Variants in CD96 observed in about 807,000 individuals in gnomAD.
The protein encoded by CD96 is T-cell surface protein tactile.
In CD96, 70 loss-of-function variants were observed where a neutral mutation model predicts 71.3. The observed-to-expected ratio is 0.98, with a 90% CI of 0.81 to 1.20. CD96 has a LOEUF of 1.20. Among genes scored for constraint, CD96 ranks in the 50% most tolerant of loss-of-function variants. The probability of loss-of-function intolerance (pLI) is 0.00; values close to 1 mark genes in which losing one functional copy is unlikely to be tolerated. For missense variants in CD96, 742 were observed against 677.5 expected, an observed-to-expected ratio of 1.10 and a Z score of -1.06; for synonymous variants, 248 against 233.0, an observed-to-expected ratio of 1.06 and a Z score of -0.59.
rs137934634 is a variant in CD96, at chr3:111,542,274, C to G, written c.26C>G (p.Ala9Gly). The G allele has an allele frequency of 2.1e-4, 344 of 1,613,560 alleles. No homozygotes were observed. Among genetic ancestry groups the G allele is most frequent in the Non-Finnish European group, 2.8e-4 (327 of 1,179,596 alleles). The change falls in exon 1 of 14, where the codon GCT (alanine) becomes GGT (glycine). Residue 9 changes from alanine (A) to glycine (G), a missense_variant. By Grantham distance (60) the Ala-to-Gly change is moderately conservative. Transcript: ENST00000352690. MEKKWKYC[A>G]VYYIIQIHFV... ...ATGGAGAAAAAATGGAAATACTGTG[C>G]TGTCTATTACATCATCCAGATACAT... is the stretch of plus-strand genomic sequence containing the variant.
At chr3:111,632,109 A>C (rs2107737607) in intron 10 of CD96, among the ~76,000 whole-genome samples, 1 of 152,324 alleles carries the variant, frequency 6.6e-6, no homozygotes, top group East Asian at 1.9e-4. Flanking sequence ...CAAAAACAAA[A>C]ATTGACAAAT....
At chr3:111,577,528 C>T (rs1206354775) in intron 3 of CD96, 1 of 1,606,922 alleles carries the variant, frequency 6.2e-7, no homozygotes, top group Non-Finnish European at 8.5e-7. Context: ...ATTCTTGGGT[C>T]CTTCTTTCTA....
chr3:111,644,422 A>G (rs182884646), intron 12 of CD96, among the ~76,000 whole-genome samples: 46 of 152,292 alleles, frequency 3.0e-4, no homozygotes, highest in African/African-American at 1.0e-3. Context: ...ATGACCAAGA[A>G]CCCAAAAAGA....
intron 3 of CD96, among the ~76,000 whole-genome samples, chr3:111,577,272 A>G (rs1936260126): frequency 6.6e-6 from 1 of 152,156 alleles, no homozygotes; most frequent in South Asian, 2.1e-4. Flanking sequence ...AGCATTTTCA[A>G]CTCTAAAATC....
At chr3:111,568,414 A>G (rs1056177108) in intron 3 of CD96, among the ~76,000 whole-genome samples, 28 of 152,236 alleles carry the variant, frequency 1.8e-4, no homozygotes, top group African/African-American at 6.0e-4. Flanking sequence ...AATTTAAAAA[A>G]TTTCACTGAG....
intron 3 of CD96, chr3:111,577,408 T>C: frequency 1.1e-6 from 1 of 871,242 alleles, no homozygotes; most frequent in Non-Finnish European, 2.0e-6. Context: ...TCCACTTTCT[T>C]CTCCTGTCCC....
chr3:111,587,332 T>A (rs1936760947), intron 5 of CD96, among the ~76,000 whole-genome samples: 1 of 151,858 alleles, frequency 6.6e-6, no homozygotes, highest in African/African-American at 2.4e-5. Context: ...TGTTGGTGGA[T>A]CTACCATTCT....
At chr3:111,554,263 A>G (rs988289940) in intron 2 of CD96, among the ~76,000 whole-genome samples, 9 of 151,984 alleles carry the variant, frequency 5.9e-5, no homozygotes, top group African/African-American at 1.9e-4. Flanking sequence ...CTCTATCTCT[A>G]TGATGTCCAA....
intron 3 of CD96, chr3:111,577,542 G>T (rs774695561): frequency 6.3e-7 from 1 of 1,596,754 alleles, no homozygotes. Context: ...CTTTCTAAGG[G>T]TATAAAGGTA....
At chr3:111,551,507 A>G (rs1934701698) in intron 2 of CD96, among the ~76,000 whole-genome samples, 1 of 152,166 alleles carries the variant, frequency 6.6e-6, no homozygotes, top group Admixed American at 6.5e-5. Context: ...CCCCTTCAAA[A>G]TCATTTTGAA....
intron 4 of CD96, among the ~76,000 whole-genome samples, chr3:111,579,707 G>C (rs1458079010): frequency 1.3e-5 from 2 of 151,942 alleles, no homozygotes; most frequent in Non-Finnish European, 2.9e-5. Context: ...TTCTTATAAG[G>C]CCACCAGTTT....
intron 3 of CD96, among the ~76,000 whole-genome samples, chr3:111,578,722 T>G (rs766637296): frequency 2.6e-5 from 4 of 152,208 alleles, no homozygotes; most frequent in Non-Finnish European, 4.4e-5. Flanking sequence ...AAATCTGCCA[T>G]TAGTCCTGCC....
At chr3:111,639,641 T>C (rs944670589) in intron 12 of CD96, among the ~76,000 whole-genome samples, 4 of 152,224 alleles carry the variant, frequency 2.6e-5, no homozygotes, top group African/African-American at 9.7e-5. Flanking sequence ...TGATGCTTTC[T>C]GGAGAGCTCT....
chr3:111,628,963 T>G (rs1576410910), intron 10 of CD96, among the ~76,000 whole-genome samples: 1 of 152,120 alleles, frequency 6.6e-6, no homozygotes, highest in African/African-American at 2.4e-5. Context: ...AAGCAAATGC[T>G]GAGAGAATGC....
rs113084100 is a variant in CD96, at chr3:111,663,363, T to C, written c.*53-2164T>C. ...ACACAAAGCCAAACTGTAACAGCCT[T>C]GGCAAAGAATTTTTGGTTAAGTCCC... is the stretch of plus-strand genomic sequence containing the variant. On this transcript the variant is annotated intron_variant and NMD_transcript_variant, in intron 14 of 14. Coordinates refer to the CD96 transcript ENST00000494798. Among the ~76,000 whole-genome samples, 1,231 of 152,286 alleles carry C rather than the reference T, an allele frequency of 8.1e-3. 18 individuals carry two copies. Among genetic ancestry groups the C allele is most frequent in the African/African-American group, 0.027 (1,136 of 41,540 alleles).
intron 5 of CD96, among the ~76,000 whole-genome samples, chr3:111,590,900 C>G (rs1177036466): frequency 6.6e-6 from 1 of 152,170 alleles, no homozygotes; most frequent in Non-Finnish European, 1.5e-5. Flanking sequence ...GTGCTTTATA[C>G]TTTAGCCCCG....
intron 11 of CD96, 136 bp downstream of exon 11, chr3:111,637,397 A>G: frequency 2.9e-6 from 2 of 698,168 alleles, no homozygotes; most frequent in East Asian, 5.3e-5. Context: ...TGAAAATTAC[A>G]ATGAATGGAA....
chr3:111,640,903 A>C (rs1022968304), intron 12 of CD96, among the ~76,000 whole-genome samples: 1 of 152,230 alleles, frequency 6.6e-6, no homozygotes, highest in African/African-American at 2.4e-5. Context: ...TCATATATGA[A>C]GGAAAGATAC....
intron 8 of CD96, among the ~76,000 whole-genome samples, chr3:111,621,817 C>T (rs923753609): frequency 3.9e-5 from 6 of 152,094 alleles, no homozygotes; most frequent in African/African-American, 1.4e-4. Context: ...TAGTGTCAGC[C>T]AATGGGAAAA....
Sources: allele counts gnomAD v4.1 joint callset (sites outside exome capture counted in the v4.1 genomes callset), GRCh38; gene constraint gnomAD v4.1.1; transcripts MANE v1.5; gene names NCBI Gene and HGNC (gene_info 2026-07-23, HGNC 2026-07-21).